The following KLHL20 variants were observed in gnomAD, a reference collection of about 807,000 sequenced individuals.
KLHL20 encodes kelch-like protein 20.
In KLHL20, 29 loss-of-function variants were observed where a neutral mutation model predicts 69.5. The observed-to-expected ratio is 0.42, with a 90% CI of 0.31 to 0.57. KLHL20 has a LOEUF of 0.57. Ranked by LOEUF, KLHL20 falls within the 20% of genes least tolerant of loss-of-function variation. The pLI is 0.18. For synonymous variants in KLHL20, 253 were observed against 265.2 expected, an observed-to-expected ratio of 0.95 and a Z score of 0.45; for missense variants, 419 against 776.0, an observed-to-expected ratio of 0.54 and a Z score of 5.47.
intron 10 of KLHL20, 163 bp from the exon 11 acceptor site, chr1:173,781,961 A>G: frequency 1.8e-6 from 1 of 543,230 alleles, no homozygotes; most frequent in Non-Finnish European, 3.3e-6. Flanking sequence ...AGTTCCCATA[A>G]TTTGATAGAC....
intron 3 of KLHL20, among the ~76,000 whole-genome samples, chr1:173,747,350 C>A (rs930733049): frequency 6.6e-6 from 1 of 151,922 alleles, no homozygotes; most frequent in Admixed American, 6.6e-5. Context: ...TATGCATAAT[C>A]ATAACTTTAT....
intron 3 of KLHL20, among the ~76,000 whole-genome samples, chr1:173,747,003 A>G (rs114267928): frequency 0.017 from 2,618 of 151,252 alleles, 62 homozygotes; most frequent in African/African-American, 0.061. Context: ...TTCTAGATGG[A>G]AGGGTTTTTT....
chr1:173,732,260 T>C (rs1016627296), intron 2 of KLHL20, among the ~76,000 whole-genome samples: 1 of 151,730 alleles, frequency 6.6e-6, no homozygotes, highest in Non-Finnish European at 1.5e-5. Flanking sequence ...GAGGACTGCT[T>C]GAGCCTAGGA....
chr1:173,735,936 CTTT>C (rs769632286), intron 3 of KLHL20, among the ~76,000 whole-genome samples: 5 of 105,976 alleles, frequency 4.7e-5, no homozygotes, highest in Non-Finnish European at 3.6e-5. Context: ...GCCATTCTAT[CTTT>C]TTTTTTTTTT....
At chr1:173,742,871 G>C (rs1672883036) in intron 3 of KLHL20, among the ~76,000 whole-genome samples, 1 of 151,586 alleles carries the variant, frequency 6.6e-6, no homozygotes, top group African/African-American at 2.4e-5. Context: ...TACTACAGAA[G>C]AATCTACGCA....
chr1:173,725,031 T>G (rs1397427252), intron 2 of KLHL20, among the ~76,000 whole-genome samples: 2 of 152,076 alleles, frequency 1.3e-5, no homozygotes, highest in East Asian at 3.9e-4. Flanking sequence ...GTTATTTGAC[T>G]CTTCTTCTTG....
chr1:173,755,959 G>A lies in KLHL20; in HGVS notation c.888G>A (p.Leu296=), dbSNP rs1369473576. 1 of 1,614,000 alleles carries A rather than the reference G, an allele frequency of 6.2e-7. No homozygotes were observed. The highest frequency in any genetic ancestry group is 8.5e-7 in the Non-Finnish European group (1 of 1,179,974). Residue 296 remains leucine, a synonymous_variant, in exon 6 of 12, where the codon TTG becomes TTA. Coordinates refer to ENST00000209884, the MANE Select transcript of KLHL20 (RefSeq NM_014458.4). ...LVDEAKNYLL[L]PQERPLMQGP... is the part of the protein sequence containing the mutation. ...ATGAGGCTAAAAACTACCTCCTATT[G>A]CCGCAAGAACGACCACTAATGCAAG... is the stretch of plus-strand genomic sequence containing the variant.
chr1:173,785,499 C>T lies in KLHL20; in HGVS notation c.*252C>T. The stretch of plus-strand genomic sequence containing the variant: ...TTGTTTTCGTTTTGAACTTATCCTT[C>T]CTCCCACAAAAAAAGAAAAGAAGAA... On this transcript the variant is annotated 3_prime_UTR_variant, in exon 12 of 12. Transcript: ENST00000209884. 1 of 219,856 alleles carries T rather than the reference C, an allele frequency of 4.5e-6. No homozygotes were observed. Among genetic ancestry groups the T allele is most frequent in the Non-Finnish European group, 8.9e-6 (1 of 112,526 alleles). The allele number at this position is 219,856 out of a possible 1,614,324, so 13.6% of individuals were successfully genotyped here.
intron 3 of KLHL20, among the ~76,000 whole-genome samples, chr1:173,736,813 C>G (rs894716542): frequency 1.3e-5 from 2 of 152,152 alleles, no homozygotes; most frequent in Non-Finnish European, 2.9e-5. Flanking sequence ...CCAGGCTGGT[C>G]TCAAACTCCT....
chr1:173,769,163 G>T (rs1018987653), intron 8 of KLHL20, among the ~76,000 whole-genome samples: 1 of 152,184 alleles, frequency 6.6e-6, no homozygotes, highest in Non-Finnish European at 1.5e-5. Flanking sequence ...TGCATTGTAG[G>T]ATGTTTAACA....
At chr1:173,748,137 C>CTA (rs1465735774) in intron 3 of KLHL20, among the ~76,000 whole-genome samples, 1 of 151,944 alleles carries the variant, frequency 6.6e-6, no homozygotes, top group Non-Finnish European at 1.5e-5. Context: ...CAGAATAACC[C>CTA]TATATCTATG....
rs183623553 is a variant in KLHL20 at position 173,783,578 on chromosome 1, T to G, written c.1745+1348T>G. Reference sequence around the variant, plus strand: ...ACAGTCCTGTTCATTAAGTAAAGATTTATTGATGGCCAGGCACGGTGGCTC... The same window carrying G: ...ACAGTCCTGTTCATTAAGTAAAGATGTATTGATGGCCAGGCACGGTGGCTC... On this transcript the variant is annotated intron_variant, in intron 11 of 11. Coordinates refer to ENST00000209884, the MANE Select transcript of KLHL20 (RefSeq NM_014458.4). Among the ~76,000 whole-genome samples the G allele has an allele frequency of 3.9e-3, 586 of 152,172 alleles. 4 individuals are homozygous for G. The highest frequency in any genetic ancestry group is 0.013 in the African/African-American group (553 of 41,512).
In KLHL20 at chr1:173,772,690, A is replaced by G. The variant is rs536887121; in HGVS notation, c.1296-1615A>G. On this transcript the variant is annotated intron_variant, in intron 8 of 11. Coordinates refer to ENST00000209884, the MANE Select transcript of KLHL20 (RefSeq NM_014458.4). ...AAATAAGTGATTATCATTTTGCAAC[A>G]CTCAGTAAATTAGTGTATCTAGACA... 1.4e-4 allele frequency among the ~76,000 whole-genome samples: 21 copies of G among 152,326 alleles called. No individual in the cohort carries two copies. In the South Asian group the frequency reaches 1.5e-3, roughly 11 times the overall value.
chr1:173,774,197 A>T, intron 8 of KLHL20, 108 bp from the exon 9 acceptor site: 1 of 1,272,896 alleles, frequency 7.9e-7, no homozygotes, highest in South Asian at 1.4e-5. Context: ...TGCACATTTG[A>T]CTATAGCAAG....
At chr1:173,750,279 TC>T (rs1673245430) in intron 3 of KLHL20, among the ~76,000 whole-genome samples, 1 of 152,184 alleles carries the variant, frequency 6.6e-6, no homozygotes, top group African/African-American at 2.4e-5. Context: ...TTGTATTTTT[TC>T]CTAATGCACT....
intron 2 of KLHL20, among the ~76,000 whole-genome samples, chr1:173,726,502 T>C (rs920284050): frequency 2.6e-5 from 4 of 152,228 alleles, no homozygotes; most frequent in Admixed American, 6.5e-5. Flanking sequence ...CACCCCCCAG[T>C]AGGGGCAGAC....
intron 7 of KLHL20, among the ~76,000 whole-genome samples, chr1:173,760,220 A>G (rs978365578): frequency 2.0e-5 from 3 of 152,242 alleles, no homozygotes; most frequent in Non-Finnish European, 4.4e-5. Flanking sequence ...GTCTGGGATT[A>G]TGTTAAACAA....
chr1:173,717,824 A>T (rs969022656), intron 2 of KLHL20, among the ~76,000 whole-genome samples: 11 of 152,232 alleles, frequency 7.2e-5, no homozygotes, highest in African/African-American at 2.7e-4. Flanking sequence ...ATTATTGTTA[A>T]AGGTATTCTA....
chr1:173,726,558 A>C (rs1336394300), intron 2 of KLHL20, among the ~76,000 whole-genome samples: 1 of 152,170 alleles, frequency 6.6e-6, no homozygotes, highest in African/African-American at 2.4e-5. Context: ...AAACTTCCAG[A>C]GGAACGATCA....
Sources: allele counts gnomAD v4.1 joint callset (sites outside exome capture counted in the v4.1 genomes callset), GRCh38; gene constraint gnomAD v4.1.1; transcripts MANE v1.5; gene names NCBI Gene and HGNC (gene_info 2026-07-23, HGNC 2026-07-21).